The following GTF3C1 variants were observed in gnomAD, a reference collection of about 807,000 sequenced individuals.
GTF3C1 encodes general transcription factor 3C polypeptide 1.
In GTF3C1, 57 loss-of-function variants were observed where a neutral mutation model predicts 226.7. The ratio of observed to expected loss-of-function variants is 0.25; its 90% CI spans 0.20 to 0.31. The LOEUF (loss-of-function observed/expected upper bound fraction) is 0.31, where lower values mean the gene tolerates loss of function less well. GTF3C1 is among the 10% of genes least tolerant of loss of function. The probability of loss-of-function intolerance (pLI) is 1.00; values close to 1 mark genes in which losing one functional copy is unlikely to be tolerated. For synonymous variants in GTF3C1, 1,090 were observed against 1,084.8 expected (o/e 1.00, Z -0.09); for missense variants, 2,217 against 2,776.1 (o/e 0.80, Z 4.53).
intron 12 of GTF3C1, among the ~76,000 whole-genome samples, chr16:27,499,475 G>A (rs565532151): frequency 5.9e-5 from 9 of 152,158 alleles, no homozygotes; most frequent in Non-Finnish European, 1.3e-4. Context: ...CTGAGGCCGG[G>A]GACAGCAAGG....
chr16:27,548,987 C>G (rs560414978), intron 1 of GTF3C1, among the ~76,000 whole-genome samples: 75 of 152,250 alleles, frequency 4.9e-4, no homozygotes, highest in African/African-American at 1.7e-3. Flanking sequence ...CACCCCATAC[C>G]TACTAAAAAT....
Position 27,460,920 on chromosome 16 carries a change from T to G in GTF3C1, c.*430A>C, listed in dbSNP as rs929392710. ...GGCCACAGCCCCCATGGGGGGCCCCTCGCAGCGGGGCACACCGATCCCTAT... is the reference window on the plus strand; with the variant it reads ...GGCCACAGCCCCCATGGGGGGCCCCGCGCAGCGGGGCACACCGATCCCTAT... On this transcript the variant is annotated 3_prime_UTR_variant, in exon 37 of 37. Transcript: ENST00000356183. The G allele has an allele frequency of 1.3e-5, 2 of 156,330 alleles. No individual in the cohort carries two copies. Among genetic ancestry groups the G allele is most frequent in the African/African-American group, 4.8e-5 (2 of 41,524 alleles). 9.7% of individuals were successfully genotyped at this position (156,330 alleles called of 1,614,324 possible).
Position 27,462,335 on chromosome 16 carries a change from G to C in GTF3C1, c.6076C>G (p.Gln2026Glu). The change falls in exon 36 of 37, where the codon CAG becomes GAG. Residue 2026 changes from glutamine to glutamate, a missense_variant. Physicochemically the swap from Gln to Glu is conservative, Grantham distance 29. This residue lies in a region of GTF3C1 where 153 missense variants were observed against 199.8 expected (regional missense o/e 0.77). Coordinates refer to ENST00000356183, the MANE Select transcript of GTF3C1 (RefSeq NM_001520.4). The surrounding 1 kb of genome is among the most constrained non-coding windows in gnomAD (Gnocchi z 4.5). ...IPESSLLRHY[Q>E]GVLQPVAVLE... ...ACGGCGACGGGCTGCAGGACCCCCT[G>C]GTAGTGGCGCAGCAGGGAGCTCTCG... is the stretch of plus-strand genomic sequence containing the variant. 3.2e-6 allele frequency: 5 copies of C among 1,568,302 alleles called. No individual in the cohort carries two copies. The highest frequency in any genetic ancestry group is 4.3e-6 in the Non-Finnish European group (5 of 1,156,790).
In GTF3C1 at chr16:27,511,762, C is replaced by T; in HGVS notation, c.1113G>A (p.Gln371=). The change falls in exon 7 of 37, where the codon CAG becomes CAA. Residue 371 remains glutamine (Q), a synonymous_variant. Transcript: ENST00000356183. ...AACAAGACTTACTGAGGTCGTAGGT[C>T]TGTGTGAGCATATCCCGCTCGAACA... is the stretch of plus-strand genomic sequence containing the variant. ...DIVFERDMLT[Q]TYDLIERRGT... is the part of the protein sequence containing the mutation. 6.2e-7 allele frequency: 1 copy of T among 1,614,184 alleles called. No individual in the cohort carries two copies. The highest frequency in any genetic ancestry group is 2.2e-5 in the East Asian group (1 of 44,880).
chr16:27,503,102 A>T, intron 10 of GTF3C1, 107 bp from the exon 11 acceptor site: 1 of 738,844 alleles, frequency 1.4e-6, no homozygotes, highest in Non-Finnish European at 2.3e-6. Flanking sequence ...TTCTACTCCC[A>T]TCTTTCAAGA....
At chr16:27,503,094 C>T in intron 10 of GTF3C1, 99 bp from the exon 11 acceptor site, 2 of 792,436 alleles carry the variant, frequency 2.5e-6, no homozygotes, top group South Asian at 3.2e-5. Flanking sequence ...CAAGAAACTT[C>T]TACTCCCATC....
chr16:27,475,615 C>A (rs1189859129), intron 29 of GTF3C1, among the ~76,000 whole-genome samples: 1 of 152,042 alleles, frequency 6.6e-6, no homozygotes, highest in African/African-American at 2.4e-5. Context: ...ACCTCAAGTG[C>A]CCACATTTGT....
At chr16:27,528,850 G>T in intron 5 of GTF3C1, 129 bp from the exon 6 acceptor site, 1 of 900,860 alleles carries the variant, frequency 1.1e-6, no homozygotes, top group Non-Finnish European at 1.8e-6. Flanking sequence ...AATGAGGAAA[G>T]CCTGCCAAGC....
In GTF3C1 at chr16:27,469,493, T is replaced by G. The variant is rs542542961; in HGVS notation, c.4872A>C (p.Glu1624Asp). 6.2e-7 allele frequency: 1 copy of G among 1,614,072 alleles called. No homozygotes were observed. The highest frequency in any genetic ancestry group is 8.5e-7 in the Non-Finnish European group (1 of 1,179,920). ...DDEDEEDDLDEGVGGKRRSME... is the reference protein window; with the variant it reads ...DDEDEEDDLDDGVGGKRRSME... Reference sequence around the variant, plus strand: ...TGCTCCGGCGCTTGCCCCCTACACCTTCGTCCAAGTCATCCTCTTCATCCT... The same window carrying G: ...TGCTCCGGCGCTTGCCCCCTACACCGTCGTCCAAGTCATCCTCTTCATCCT... Residue 1624 changes from glutamate (E) to aspartate (D), a missense_variant, in exon 32 of 37, where the codon GAA becomes GAC. This residue lies in a region of GTF3C1 where 546 missense variants were observed against 663.0 expected (regional missense o/e 0.82). Transcript: ENST00000356183. The surrounding 1 kb of genome is among the most constrained non-coding windows in gnomAD (Gnocchi z 4.5).
At chr16:27,495,607 T>A (rs1013025629) in intron 14 of GTF3C1, 115 bp from the exon 15 acceptor site, 22 of 896,020 alleles carry the variant, frequency 2.5e-5, no homozygotes, top group Non-Finnish European at 3.4e-5. Flanking sequence ...AGATGGCAAA[T>A]ATTCTTACTG....
At position 27,471,698 on chromosome 16, in the gene GTF3C1, C is replaced by T; in HGVS notation, c.4526+50G>A. On this transcript the variant is annotated intron_variant, in intron 30 of 36. Coordinates refer to ENST00000356183, the MANE Select transcript of GTF3C1 (RefSeq NM_001520.4). This position sits in a 1 kb window ranked among gnomAD's most constrained non-coding sequence, Gnocchi z 5.0. ...TGCTTCCTTTGCTCCTCTTTACAGA[C>T]AGGGCGTGGCTCCACCTCGGAGTAC... 3 of 1,430,336 alleles carry T rather than the reference C, an allele frequency of 2.1e-6. No individual in the cohort carries two copies. Among genetic ancestry groups the T allele is most frequent in the South Asian group, 1.2e-5 (1 of 86,086 alleles). 88.6% of individuals were successfully genotyped at this position (1,430,336 alleles called of 1,614,324 possible).
At chr16:27,474,299 C>T (rs2087920898) in intron 29 of GTF3C1, among the ~76,000 whole-genome samples, 1 of 152,204 alleles carries the variant, frequency 6.6e-6, no homozygotes, top group African/African-American at 2.4e-5. Flanking sequence ...CCTTCGGTAC[C>T]ACACATCAGA....
rs1362065535 is a variant in GTF3C1 at position 27,460,914 on chromosome 16, G to T, written c.*436C>A. 1 of 155,928 alleles carries T rather than the reference G, an allele frequency of 6.4e-6. No homozygotes were observed. The highest frequency in any genetic ancestry group is 2.4e-5 in the African/African-American group (1 of 41,530). 9.7% of individuals were successfully genotyped at this position (155,928 alleles called of 1,614,324 possible). On this transcript the variant is annotated 3_prime_UTR_variant, in exon 37 of 37. Transcript: ENST00000356183. ...CGGAGGGGCCACAGCCCCCATGGGGGGCCCCTCGCAGCGGGGCACACCGAT... is the reference window on the plus strand; with the variant it reads ...CGGAGGGGCCACAGCCCCCATGGGGTGCCCCTCGCAGCGGGGCACACCGAT...
intron 6 of GTF3C1, among the ~76,000 whole-genome samples, chr16:27,517,521 A>G (rs1464464609): frequency 1.3e-5 from 2 of 152,206 alleles, no homozygotes; most frequent in African/African-American, 4.8e-5. Flanking sequence ...CTTTCTTCCC[A>G]GGAACAAAAG....
Position 27,498,745 on chromosome 16 carries a change from G to T in GTF3C1, c.2062-12C>A, listed in dbSNP as rs375456487. On this transcript the variant is annotated splice_polypyrimidine_tract_variant and intron_variant, in intron 12 of 36. Coordinates refer to ENST00000356183, the MANE Select transcript of GTF3C1 (RefSeq NM_001520.4). Reference sequence around the variant, plus strand: ...ACCACCAGATCCACCTGGAGAGAGAGGTTGGAGCATCCCACAGGGTGAGGG... The same window carrying T: ...ACCACCAGATCCACCTGGAGAGAGATGTTGGAGCATCCCACAGGGTGAGGG... 1.2e-5 allele frequency: 16 copies of T among 1,374,398 alleles called. No individual in the cohort carries two copies. In the African/African-American group the frequency reaches 1.9e-4, roughly 16 times the overall value. The allele number at this position is 1,374,398 out of a possible 1,614,324, so 85.1% of individuals were successfully genotyped here.
chr16:27,481,076 T>C lies in GTF3C1; in HGVS notation c.4196+3A>G, dbSNP rs1420106913. The C allele has an allele frequency of 1.2e-6, 2 of 1,612,826 alleles. No individual in the cohort carries two copies. Among genetic ancestry groups the C allele is most frequent in the Middle Eastern group, 1.7e-4 (1 of 6,060 alleles). On this transcript the variant is annotated splice_donor_region_variant and intron_variant, in intron 27 of 36. Transcript: ENST00000356183. ...ACATGGAACCATCCCAGAAACGGCT[T>C]ACCTGGCGAACAGCTCCTGGAGTGT...
intron 6 of GTF3C1, among the ~76,000 whole-genome samples, chr16:27,519,816 A>C (rs568644478): frequency 1.3e-5 from 2 of 152,312 alleles, no homozygotes; most frequent in Admixed American, 1.3e-4. Context: ...ACTAGAATGA[A>C]AGAAACAAGG....
intron 4 of GTF3C1, among the ~76,000 whole-genome samples, chr16:27,536,767 G>A (rs1043272234): frequency 4.6e-5 from 7 of 152,118 alleles, no homozygotes; most frequent in African/African-American, 7.2e-5. Flanking sequence ...GAGGGCTCAG[G>A]GCTTCCTCAG....
At chr16:27,499,572 C>A (rs1220961494) in intron 12 of GTF3C1, among the ~76,000 whole-genome samples, 1 of 152,164 alleles carries the variant, frequency 6.6e-6, no homozygotes. Flanking sequence ...CAGGAAGCAA[C>A]GCCTAGACAA....
Sources: gnomAD v4.1 joint callset for allele counts (sites outside exome capture counted in the v4.1 genomes callset) on GRCh38, gnomAD v4.1.1 for gene constraint, gnomAD v4.1.1 regional missense constraint, Gnocchi (gnomAD v3.1) non-coding constraint, MANE v1.5 for transcripts, NCBI Gene and HGNC (gene_info 2026-07-23, HGNC 2026-07-21) for gene names.